STYXL2: variants seen among roughly 807,000 people sequenced by gnomAD.
STYXL2 encodes the protein serine/threonine/tyrosine interacting like 2, also known as serine/threonine/tyrosine-interacting-like protein 2.
A neutral mutation model predicts 52.4 loss-of-function variants in STYXL2; 44 were observed. The observed-to-expected ratio is 0.84, with a 90% CI of 0.66 to 1.08. The LOEUF is 1.08. STYXL2 is among the 50% of genes least tolerant of loss of function. The probability of loss-of-function intolerance (pLI) is 0.00; values close to 1 mark genes in which losing one functional copy is unlikely to be tolerated. For synonymous variants in STYXL2, 604 were observed against 586.9 expected, an observed-to-expected ratio of 1.03 and a Z score of -0.42; for missense variants, 1,604 against 1,471.7, an observed-to-expected ratio of 1.09 and a Z score of -1.47.
rs757597404 is a variant in STYXL2 at position 167,127,055 on chromosome 1, T to C, written c.1924T>C (p.Ser642Pro). ...RSRQTLEESQSMASWEADSST... is the reference protein window; with the variant it reads ...RSRQTLEESQPMASWEADSST... ...CCGGCAGACGCTGGAGGAGAGCCAGTCTATGGCAAGCTGGGAGGCGGACAG... is the reference window on the plus strand; with the variant it reads ...CCGGCAGACGCTGGAGGAGAGCCAGCCTATGGCAAGCTGGGAGGCGGACAG... Residue 642 changes from serine to proline, a missense_variant, in exon 6 of 6, where the codon TCT becomes CCT. Coordinates refer to ENST00000361200, the MANE Select transcript of STYXL2 (RefSeq NM_001080426.3). 1 of 1,611,538 alleles carries C rather than the reference T, an allele frequency of 6.2e-7. No individual in the cohort carries two copies. Among genetic ancestry groups the C allele is most frequent in the South Asian group, 1.1e-5 (1 of 90,790 alleles).
intron 2 of STYXL2, among the ~76,000 whole-genome samples, chr1:167,111,513 T>TATATATACACAC (rs1211215448): frequency 7.0e-4 from 35 of 50,078 alleles, no homozygotes; most frequent in African/African-American, 2.0e-3. Context: ...TATATATATA[T>TATATATACACAC]ACACACACAC....
chr1:167,094,980 C>T lies in STYXL2; in HGVS notation c.110+21C>T, dbSNP rs772187870. On this transcript the variant is annotated intron_variant, in intron 2 of 5. Transcript: ENST00000361200. ...AGCCAGTAAGTGACCACTTATCTCC[C>T]ACCCTCACAGCCCCAGCTGGGAGGG... The T allele has an allele frequency of 2.8e-5, 43 of 1,561,676 alleles. 1 individual carries two copies. Among genetic ancestry groups the T allele is most frequent in the Non-Finnish European group, 8.7e-6 (10 of 1,146,516 alleles).
chr1:167,117,652 C>T lies in STYXL2; in HGVS notation c.437+93C>T. 2.5e-6 allele frequency: 3 copies of T among 1,183,110 alleles called. No individual in the cohort carries two copies. The South Asian group carries it at 4.4e-5, about 18-fold the overall frequency. 73.3% of individuals were successfully genotyped at this position (1,183,110 alleles called of 1,614,324 possible). On this transcript the variant is annotated intron_variant, in intron 4 of 5. Transcript: ENST00000361200. ...TCCCCCAACTTTCACCAAAGGCGCC[C>T]ATAGGTCCATCCAGCACAATGAGGC...
At chr1:167,122,429 C>T (rs1034709356) in intron 5 of STYXL2, among the ~76,000 whole-genome samples, 1 of 152,104 alleles carries the variant, frequency 6.6e-6, no homozygotes, top group East Asian at 1.9e-4. Context: ...GCGAATTTGT[C>T]AGATACTGGT....
chr1:167,099,076 A>G (rs1201582026), intron 2 of STYXL2, among the ~76,000 whole-genome samples: 3 of 152,172 alleles, frequency 2.0e-5, no homozygotes. Context: ...CAAAGAGACA[A>G]AAAGAGACAC....
chr1:167,115,219 C>T (rs1667700771), intron 3 of STYXL2, among the ~76,000 whole-genome samples: 1 of 152,104 alleles, frequency 6.6e-6, no homozygotes, highest in Non-Finnish European at 1.5e-5. Context: ...TTTCATTAGC[C>T]TTAGTGGCTG....
chr1:167,123,329 C>A (rs1667896257), intron 5 of STYXL2, among the ~76,000 whole-genome samples: 1 of 152,184 alleles, frequency 6.6e-6, no homozygotes, highest in Admixed American at 6.5e-5. Context: ...AGGAACACAG[C>A]AGGAAAAATG....
chr1:167,116,071 C>A (rs1478779231), intron 3 of STYXL2, among the ~76,000 whole-genome samples: 2 of 152,108 alleles, frequency 1.3e-5, no homozygotes, highest in African/African-American at 4.8e-5. Flanking sequence ...AGAGATGGTG[C>A]CATCAAGAGG....
Position 167,125,911 on chromosome 1 carries a change from C to T in STYXL2, c.780C>T (p.Ala260=), listed in dbSNP as rs1377229977. The T allele has an allele frequency of 1.2e-6, 2 of 1,614,066 alleles. No individual in the cohort carries two copies. The highest frequency in any genetic ancestry group is 1.7e-4 in the Middle Eastern group (1 of 6,056). ...TGATGACCGTGCGTAAGAAGCGGGC[C>T]ATCTACCCCAATGAGGGCTTCCTGA... ...EALMTVRKKR[A]IYPNEGFLKQ... Residue 260 remains alanine, a synonymous_variant, in exon 6 of 6, where the codon GCC becomes GCT. Coordinates refer to ENST00000361200, the MANE Select transcript of STYXL2 (RefSeq NM_001080426.3).
intron 2 of STYXL2, among the ~76,000 whole-genome samples, chr1:167,113,223 A>G (rs16858463): frequency 0.014 from 2,072 of 152,294 alleles, 58 homozygotes; most frequent in African/African-American, 0.048. Context: ...TCATTAGCCC[A>G]TTCCCTTACA....
chr1:167,104,164 C>T (rs1667461857), intron 2 of STYXL2, among the ~76,000 whole-genome samples: 1 of 151,968 alleles, frequency 6.6e-6, no homozygotes, highest in Non-Finnish European at 1.5e-5. Context: ...CAACCTCTGC[C>T]CGTCCCCCCA....
intron 5 of STYXL2, among the ~76,000 whole-genome samples, chr1:167,122,298 G>C (rs911383826): frequency 1.6e-4 from 24 of 152,214 alleles, no homozygotes; most frequent in Admixed American, 1.4e-3. Context: ...AGGACTGGAC[G>C]ATCTCAGGAC....
At chr1:167,119,544 T>A in intron 5 of STYXL2, 78 bp downstream of exon 5, 1 of 1,287,380 alleles carries the variant, frequency 7.8e-7, no homozygotes, top group Non-Finnish European at 1.1e-6. Context: ...GAAAACCTGA[T>A]TAGTTGGCGT....
chr1:167,120,885 T>G (rs796773409), intron 5 of STYXL2, among the ~76,000 whole-genome samples: 1,892 of 101,814 alleles, frequency 0.019, 103 homozygotes, highest in Middle Eastern at 0.042. Flanking sequence ...TATATATATA[T>G]ACAGAGAGAG....
rs147322156 is a variant in STYXL2 at position 167,126,812 on chromosome 1, T to C, written c.1681T>C (p.Leu561=). Residue 561 remains leucine, a synonymous_variant, in exon 6 of 6, where the codon TTG becomes CTG. Coordinates refer to ENST00000361200, the MANE Select transcript of STYXL2 (RefSeq NM_001080426.3). ...RIQFGFHKKD[L]GAGDSSGEPG... ...CCAATTTGGATTTCACAAGAAAGACTTGGGAGCGGGAGACAGCAGCGGTGA... is the reference window on the plus strand; with the variant it reads ...CCAATTTGGATTTCACAAGAAAGACCTGGGAGCGGGAGACAGCAGCGGTGA... 2,009 of 1,613,920 alleles carry C rather than the reference T, an allele frequency of 1.2e-3. 3 individuals are homozygous for C. Among genetic ancestry groups the C allele is most frequent in the Non-Finnish European group, 1.6e-3 (1,876 of 1,180,012 alleles).
intron 5 of STYXL2, among the ~76,000 whole-genome samples, chr1:167,124,828 A>T (rs1163492811): frequency 6.6e-6 from 1 of 152,124 alleles, no homozygotes; most frequent in Non-Finnish European, 1.5e-5. Flanking sequence ...TTGCAAGTTT[A>T]TATGGTATCA....
chr1:167,122,722 G>T (rs1385036710), intron 5 of STYXL2, among the ~76,000 whole-genome samples: 2 of 152,050 alleles, frequency 1.3e-5, no homozygotes, highest in African/African-American at 4.8e-5. Context: ...AGGATGGAAT[G>T]CAGTAATGTG....
chr1:167,109,739 G>A (rs527652078), intron 2 of STYXL2, among the ~76,000 whole-genome samples: 13 of 152,240 alleles, frequency 8.5e-5, no homozygotes, highest in Admixed American at 3.3e-4. Flanking sequence ...TCCTGAAGGT[G>A]CCACCTCCTG....
intron 2 of STYXL2, among the ~76,000 whole-genome samples, chr1:167,111,694 A>G (rs1442717024): frequency 6.6e-6 from 1 of 151,906 alleles, no homozygotes; most frequent in Non-Finnish European, 1.5e-5. Context: ...GAGCTAAGGT[A>G]CGAGGAGGCA....
Sources: allele counts gnomAD v4.1 joint callset (sites outside exome capture counted in the v4.1 genomes callset), GRCh38; gene constraint gnomAD v4.1.1; transcripts MANE v1.5; gene names NCBI Gene and HGNC (gene_info 2026-07-23, HGNC 2026-07-21).